The following KPTN variants were observed in gnomAD, a reference collection of about 807,000 sequenced individuals.
KPTN encodes KICSTOR complex protein kaptin.
A neutral mutation model predicts 52.6 loss-of-function variants in KPTN; 36 were observed. The ratio of observed to expected loss-of-function variants is 0.68; its 90% CI spans 0.52 to 0.90. The LOEUF (loss-of-function observed/expected upper bound fraction) is 0.90, where lower values mean the gene tolerates loss of function less well. KPTN is among the 40% of genes least tolerant of loss of function. The pLI is 0.00. For missense variants in KPTN, 529 were observed against 576.2 expected (o/e 0.92, Z 0.84); for synonymous variants, 271 against 248.4 (o/e 1.09, Z -0.85).
chr19:47,485,081 A>G (rs1222009758), upstream of KPTN, among the ~76,000 whole-genome samples: 1 of 152,128 alleles, frequency 6.6e-6, no homozygotes, highest in Non-Finnish European at 1.5e-5. Flanking sequence ...ATCCAGCTAT[A>G]ATAACCACCT....
Position 47,483,307 on chromosome 19 carries a change from C to CA in KPTN, c.381dup (p.Asp128Ter). ...ACGCCTCACTCACGGGCAATAGAGT[C>CA]AAGGTTGTACTCAGAGCCGGGCTCG... On this transcript the variant is annotated frameshift_variant, in exon 3 of 12. Transcript: ENST00000338134. LOFTEE classifies it high-confidence loss of function. 6.2e-7 allele frequency: 1 copy of CA among 1,614,022 alleles called. No individual in the cohort carries two copies. Among genetic ancestry groups the CA allele is most frequent in the African/African-American group, 1.3e-5 (1 of 75,016 alleles).
At chr19:47,476,361 C>T (rs2122673809) in intron 11 of KPTN, among the ~76,000 whole-genome samples, 171 bp downstream of exon 11, 1 of 80,476 alleles carries the variant, frequency 1.2e-5, no homozygotes, top group South Asian at 5.1e-4. Context: ...GCCGGTGCCC[C>T]CACCCCAGCT....
At chr19:47,481,722 G>C (rs1484366174) in intron 4 of KPTN, 3 of 152,216 alleles carry the variant, frequency 2.0e-5, no homozygotes, top group Non-Finnish European at 4.4e-5. Context: ...CAATGGCAAA[G>C]TGAGTAGTTG....
chr19:47,483,677 C>T (rs1568458683), intron 1 of KPTN, 93 bp from the exon 2 acceptor site: 8 of 1,027,982 alleles, frequency 7.8e-6, no homozygotes, highest in Admixed American at 2.2e-5. Flanking sequence ...ATGATCATGC[C>T]CTCTGGTCTG....
intron 6 of KPTN, 139 bp downstream of exon 6, chr19:47,480,608 GTCACCCCTGCTGA>G: frequency 1.2e-6 from 1 of 815,674 alleles, no homozygotes. Context: ...TTTTTCTGGG[GTCACCCCTGCTGA>G]TCAATTTCTC....
At chr19:47,483,749 C>CTG (rs1967972690) in intron 1 of KPTN, 165 bp from the exon 2 acceptor site, 2 of 930,014 alleles carry the variant, frequency 2.2e-6, no homozygotes, top group East Asian at 5.3e-5. Flanking sequence ...ACCTGTAAGT[C>CTG]TGAAGAATCC....
intron 1 of KPTN, 23 bp downstream of exon 1, chr19:47,483,912 C>G: frequency 1.9e-6 from 3 of 1,613,040 alleles, no homozygotes; most frequent in Non-Finnish European, 2.5e-6. Context: ...GCCCCCGCCC[C>G]CCAGCACCAT....
chr19:47,475,505 G>A lies in KPTN; in HGVS notation c.1222C>T (p.Leu408Phe), dbSNP rs559697624. 6.2e-7 allele frequency: 1 copy of A among 1,613,416 alleles called. No homozygotes were observed. Among genetic ancestry groups the A allele is most frequent in the East Asian group, 2.2e-5 (1 of 44,860 alleles). ...CTCCTCTGCTCCACTTGATGTCGAAGCCGGGTCAAGACCAGCTCTGAGGCC... is the reference window on the plus strand; with the variant it reads ...CTCCTCTGCTCCACTTGATGTCGAAACCGGGTCAAGACCAGCTCTGAGGCC... Reference protein sequence around the residue: ...IQASELVLTRLRHQVEQRRRR... With the variant: ...IQASELVLTRFRHQVEQRRRR... The change falls in exon 12 of 12, where the codon CTT (leucine) becomes TTT (phenylalanine). Residue 408 changes from leucine (L) to phenylalanine (F), a missense_variant. Leu to Phe is a conservative substitution (Grantham distance 22). Coordinates refer to ENST00000338134, the MANE Select transcript of KPTN (RefSeq NM_007059.4).
rs369386643 is a variant in KPTN at position 47,475,939 on chromosome 19, A to G, written c.1183-395T>C. Among the ~76,000 whole-genome samples, 24 of 150,068 alleles carry G rather than the reference A, an allele frequency of 1.6e-4. No homozygotes were observed. In the East Asian group the frequency reaches 3.6e-3, roughly 22 times the overall value. ...TCACACCACTGCACACCAGCCTGGG[A>G]AACTGCACTCCAGCCTGGGAAACAG... On this transcript the variant is annotated intron_variant, in intron 11 of 11. Transcript: ENST00000338134.
At chr19:47,480,670 C>A in intron 6 of KPTN, 90 bp downstream of exon 6, 1 of 1,219,972 alleles carries the variant, frequency 8.2e-7, no homozygotes, top group South Asian at 1.2e-5. Flanking sequence ...GAGCTCCTCC[C>A]CGGTGACCAA....
Position 47,477,756 on chromosome 19 carries a change from A to G in KPTN, c.813T>C (p.Asp271=). Residue 271 remains aspartate, a synonymous_variant, in exon 9 of 12, where the codon GAT becomes GAC. Coordinates refer to ENST00000338134, the MANE Select transcript of KPTN (RefSeq NM_007059.4). ...AKETKDRPLQ[D]EYSVLVASML... ...TGCTGGCCACGAGCACGCTGTACTCATCTTGTAGTGGCCTGTCCTTGGTCT... is the reference window on the plus strand; with the variant it reads ...TGCTGGCCACGAGCACGCTGTACTCGTCTTGTAGTGGCCTGTCCTTGGTCT... 6.2e-7 allele frequency: 1 copy of G among 1,613,760 alleles called. No homozygotes were observed. The highest frequency in any genetic ancestry group is 1.1e-5 in the South Asian group (1 of 91,082).
Position 47,483,184 on chromosome 19 carries a change from A to G in KPTN, c.426T>C (p.Thr142=). The G allele has an allele frequency of 6.2e-7, 1 of 1,614,020 alleles. No individual in the cohort carries two copies. Among genetic ancestry groups the G allele is most frequent in the Non-Finnish European group, 8.5e-7 (1 of 1,180,004 alleles). ...ACTCCGCATGGCACAGCTGGAACGG[A>G]GTGAACTGGAGCTCCAGGTTCAGGC... is the stretch of plus-strand genomic sequence containing the variant. ...QSCLNLELQF[T]PFQLCHAEVQ... Residue 142 remains threonine (T), a synonymous_variant, in exon 4 of 12, where the codon ACT becomes ACC. Coordinates refer to ENST00000338134, the MANE Select transcript of KPTN (RefSeq NM_007059.4).
At chr19:47,477,426 G>C (rs1193940142) in intron 9 of KPTN, among the ~76,000 whole-genome samples, 4 of 152,114 alleles carry the variant, frequency 2.6e-5, no homozygotes, top group Non-Finnish European at 5.9e-5. Flanking sequence ...ACAAACCTGG[G>C]CTTTCCTCGT....
intron 1 of KPTN, 32 bp from the exon 2 acceptor site, chr19:47,483,616 G>C: frequency 6.9e-7 from 1 of 1,458,856 alleles, no homozygotes. Context: ...TTCAGTGTCA[G>C]GCAGACTCAT....
chr19:47,480,604 T>A, intron 6 of KPTN, 156 bp downstream of exon 6: 1 of 807,266 alleles, frequency 1.2e-6, no homozygotes, highest in East Asian at 2.4e-5. Flanking sequence ...TTGTTTTTTC[T>A]GGGGTCACCC....
At chr19:47,475,679 T>C in intron 11 of KPTN, 135 bp from the exon 12 acceptor site, 1 of 1,023,206 alleles carries the variant, frequency 9.8e-7, no homozygotes, top group Non-Finnish European at 1.4e-6. Context: ...GACCACAGTG[T>C]GTGGGATGGG....
chr19:47,479,043 AT>A (rs200861500), intron 8 of KPTN, among the ~76,000 whole-genome samples: 115 of 150,900 alleles, frequency 7.6e-4, no homozygotes, highest in Admixed American at 4.2e-3. Context: ...GATTGAAATA[AT>A]TTTTTTTTTC....
At chr19:47,479,437 C>T (rs950797176) in intron 8 of KPTN, among the ~76,000 whole-genome samples, 3 of 152,098 alleles carry the variant, frequency 2.0e-5, no homozygotes, top group African/African-American at 7.2e-5. Flanking sequence ...GGTGGGACAG[C>T]GGTGAGTCCA....
chr19:47,475,621 G>A, intron 11 of KPTN, 77 bp from the exon 12 acceptor site: 2 of 1,553,776 alleles, frequency 1.3e-6, no homozygotes, highest in East Asian at 2.4e-5. Flanking sequence ...CTGGAGTGAA[G>A]CAACTCCAAA....
Sources: gnomAD v4.1 joint callset for allele counts (sites outside exome capture counted in the v4.1 genomes callset) on GRCh38, gnomAD v4.1.1 for gene constraint, MANE v1.5 for transcripts, NCBI Gene and HGNC (gene_info 2026-07-23, HGNC 2026-07-21) for gene names.